WNT9A: variants seen among roughly 807,000 people sequenced by gnomAD.
WNT9A encodes protein Wnt-9a.
WNT9A carries 8 observed loss-of-function variants against 31.4 expected under a neutral mutation model. The ratio of observed to expected loss-of-function variants is 0.26; its 90% confidence interval spans 0.15 to 0.46. The LOEUF (loss-of-function observed/expected upper bound fraction) is 0.46. Among genes scored for constraint, WNT9A ranks in the 20% least tolerant of loss-of-function variants. The pLI, the probability that WNT9A is intolerant of heterozygous loss-of-function variation, is 0.99. For missense variants in WNT9A, 457 were observed against 522.9 expected (o/e 0.87, Z 1.23); for synonymous variants, 236 against 220.1 (o/e 1.07, Z -0.64).
At chr1:227,922,607 AAG>A (rs1666341904) in intron 3 of WNT9A, among the ~76,000 whole-genome samples, 1 of 152,124 alleles carries the variant, frequency 6.6e-6, no homozygotes, top group Admixed American at 6.5e-5. Flanking sequence ...GCTCCTGGGG[AAG>A]AGAGAGCTCC....
intron 1 of WNT9A, among the ~76,000 whole-genome samples, chr1:227,944,745 G>A (rs1037026433): frequency 6.6e-6 from 1 of 152,266 alleles, no homozygotes; most frequent in African/African-American, 2.4e-5. Flanking sequence ...GCCCAGAGAA[G>A]GGGGCAAATT....
rs148469968 is a variant in WNT9A at position 227,921,709 on chromosome 1, G to A, written c.907C>T (p.Arg303Cys). The part of the protein sequence containing the change: ...DDSPSFCLAG[R>C]FSPGTAGRRC... ...CGGCCAGCGGTGCCCGGGGAGAAGC[G>A]GCCAGCCAGGCAGAAGCTAGGCGAG... The change falls in exon 4 of 4, where the codon CGC becomes TGC. Residue 303 changes from arginine (R) to cysteine (C), a missense_variant. Physicochemically the swap from Arg to Cys is radical, Grantham distance 180 (BLOSUM62 -3). Coordinates refer to ENST00000272164, the MANE Select transcript of WNT9A (RefSeq NM_003395.4). 55 of 1,612,584 alleles carry A rather than the reference G, an allele frequency of 3.4e-5. 1 individual carries two copies. Among genetic ancestry groups the A allele is most frequent in the South Asian group, 1.1e-4 (10 of 91,084 alleles).
In WNT9A at chr1:227,926,152, C is replaced by A. The variant is rs181694630; in HGVS notation, c.96-633G>T. Among the ~76,000 whole-genome samples, 10 of 152,186 alleles carry A rather than the reference C, an allele frequency of 6.6e-5. No individual in the cohort carries two copies. The East Asian group carries it at 1.9e-3, about 29-fold the overall frequency. On this transcript the variant is annotated intron_variant, in intron 1 of 3. Coordinates refer to ENST00000272164, the MANE Select transcript of WNT9A (RefSeq NM_003395.4). This position sits in a 1 kb window ranked among gnomAD's most constrained non-coding sequence, Gnocchi z 5.0. The stretch of plus-strand genomic sequence containing the variant: ...GCTCTTGGTTCTCTGACACTCTACC[C>A]CTCTCACCTCACCAAATCTGGACAT...
In WNT9A at chr1:227,918,876, G is replaced by T. The variant is rs1251869291; in HGVS notation, c.*2642C>A. ...GGGGGTCCAGGTCCCTCAAGGCAGG[G>T]CCTGGTGCAGAGAAGGTGGCTGGGA... On this transcript the variant is annotated 3_prime_UTR_variant, in exon 4 of 4. Coordinates refer to ENST00000272164, the MANE Select transcript of WNT9A (RefSeq NM_003395.4). 6.6e-6 allele frequency: 1 copy of T among 151,634 alleles called. No individual in the cohort carries two copies. The highest frequency in any genetic ancestry group is 1.5e-5 in the Non-Finnish European group (1 of 67,920). The allele number at this position is 151,634 out of a possible 1,614,324, so 9.4% of individuals were successfully genotyped here.
chr1:227,946,735 C>G (rs934250005), intron 1 of WNT9A, among the ~76,000 whole-genome samples: 4 of 152,256 alleles, frequency 2.6e-5, no homozygotes, highest in Non-Finnish European at 5.9e-5. Context: ...CCCAGGCGGC[C>G]TCTCCCTGCC....
chr1:227,932,116 T>C (rs1167539288), intron 1 of WNT9A, among the ~76,000 whole-genome samples: 5 of 152,242 alleles, frequency 3.3e-5, no homozygotes, highest in Non-Finnish European at 1.5e-5. Flanking sequence ...TGCTGCTTGC[T>C]AGCATTTTAC....
chr1:227,927,066 G>A (rs1233349183), intron 1 of WNT9A, among the ~76,000 whole-genome samples: 1 of 152,146 alleles, frequency 6.6e-6, no homozygotes, highest in Non-Finnish European at 1.5e-5. Flanking sequence ...CGGCCAAGCT[G>A]ACGTCCTGCC....
At chr1:227,937,441 C>G (rs988467425) in intron 1 of WNT9A, among the ~76,000 whole-genome samples, 1 of 152,242 alleles carries the variant, frequency 6.6e-6, no homozygotes, top group African/African-American at 2.4e-5. Flanking sequence ...ATGCGTCTAA[C>G]GCAACCTCAG....
At chr1:227,931,929 GC>G (rs1386636849) in intron 1 of WNT9A, among the ~76,000 whole-genome samples, 32 of 148,750 alleles carry the variant, frequency 2.2e-4, no homozygotes, top group African/African-American at 7.7e-4. Flanking sequence ...CACCATGTTG[GC>G]CAGGCTGGTC....
At chr1:227,929,191 A>G (rs1666469540) in intron 1 of WNT9A, among the ~76,000 whole-genome samples, 1 of 151,950 alleles carries the variant, frequency 6.6e-6, no homozygotes, top group Non-Finnish European at 1.5e-5. Flanking sequence ...GCTGCTCCAG[A>G]GACCGTGACG....
Position 227,925,486 on chromosome 1 carries a change from CG to C in WNT9A, c.128del (p.Pro43ArgfsTer2). 1 of 1,569,880 alleles carries C rather than the reference CG, an allele frequency of 6.4e-7. No homozygotes were observed. On this transcript the variant is annotated frameshift_variant, in exon 2 of 4. Transcript: ENST00000272164. LOFTEE classifies it high-confidence loss of function. This position sits in a 1 kb window ranked among gnomAD's most constrained non-coding sequence, Gnocchi z 6.0. ...LTGSEPLTIL[P>X]LTLEPEAAAQ... ...CAGCCGCCTCTGGCTCCAGGGTCAG[CG>C]GGAGGATGGTCAGGGGCTCGCTGCC...
At chr1:227,929,328 T>C (rs1402741281) in intron 1 of WNT9A, among the ~76,000 whole-genome samples, 1 of 152,232 alleles carries the variant, frequency 6.6e-6, no homozygotes, top group Non-Finnish European at 1.5e-5. Flanking sequence ...AAATGTCTGA[T>C]GGGAATATCG....
At chr1:227,943,731 T>C (rs1374322860) in intron 1 of WNT9A, among the ~76,000 whole-genome samples, 1 of 152,158 alleles carries the variant, frequency 6.6e-6, no homozygotes, top group East Asian at 1.9e-4. Context: ...ACCCCAGCAC[T>C]TTGCGAGGCT....
chr1:227,945,579 C>T (rs941752362), intron 1 of WNT9A, among the ~76,000 whole-genome samples: 15 of 152,314 alleles, frequency 9.8e-5, no homozygotes, highest in African/African-American at 3.6e-4. Context: ...GCCTGGGAGA[C>T]TCCGTGCCAG....
chr1:227,920,399 CG>C lies in WNT9A; in HGVS notation c.*1118del, dbSNP rs1666291269. The C allele has an allele frequency of 6.6e-6, 1 of 152,218 alleles. No individual in the cohort carries two copies. Among genetic ancestry groups the C allele is most frequent in the Non-Finnish European group, 1.5e-5 (1 of 67,996 alleles). The allele number at this position is 152,218 out of a possible 1,614,324, so 9.4% of individuals were successfully genotyped here. A position where few individuals can be genotyped will look rare whatever the true frequency, so the allele number is the denominator to read the frequency against. Reference sequence around the variant, plus strand: ...TCCCAGACTGGGGCTTGGCCGAGAGCGGGGAGCTGCAGCCGGGGAGGTGGCA... The same window carrying C: ...TCCCAGACTGGGGCTTGGCCGAGAGCGGGAGCTGCAGCCGGGGAGGTGGCA... On this transcript the variant is annotated 3_prime_UTR_variant, in exon 4 of 4. Transcript: ENST00000272164.
intron 1 of WNT9A, among the ~76,000 whole-genome samples, 169 bp downstream of exon 1, chr1:227,947,624 G>C (rs1572139207): frequency 6.6e-6 from 1 of 151,932 alleles, no homozygotes; most frequent in African/African-American, 2.4e-5. Context: ...GCCGTGCCGC[G>C]CAGCGGACGG....
chr1:227,922,094 A>T (rs1666329906), intron 3 of WNT9A, 94 bp from the exon 4 acceptor site: 1 of 1,491,246 alleles, frequency 6.7e-7, no homozygotes, highest in Admixed American at 2.3e-5. Flanking sequence ...GGGACCCCAC[A>T]CCCCCACCCA....
chr1:227,945,713 T>C (rs1332153271), intron 1 of WNT9A, among the ~76,000 whole-genome samples: 1 of 151,184 alleles, frequency 6.6e-6, no homozygotes, highest in Non-Finnish European at 1.5e-5. Flanking sequence ...CCGCCTGGCC[T>C]TTAATGCCCT....
rs1572121792 is a variant in WNT9A, at chr1:227,921,387, C to T, written c.*131G>A. On this transcript the variant is annotated 3_prime_UTR_variant, in exon 4 of 4. Transcript: ENST00000272164. ...CCATGCAGGTGTAGACCCATTCACA[C>T]TGTGTGCAATGCCTGTACCCCACGC... 4.4e-5 allele frequency: 63 copies of T among 1,422,518 alleles called. 1 individual carries two copies. In the South Asian group the frequency reaches 8.2e-4, roughly 18 times the overall value. The allele number at this position is 1,422,518 out of a possible 1,614,324, so 88.1% of individuals were successfully genotyped here. A position where few individuals can be genotyped will look rare whatever the true frequency, so the allele number is the denominator to read the frequency against.
Sources: gnomAD v4.1 joint callset for allele counts (sites outside exome capture counted in the v4.1 genomes callset) on GRCh38, gnomAD v4.1.1 for gene constraint, Gnocchi (gnomAD v3.1) non-coding constraint, MANE v1.5 for transcripts, NCBI Gene and HGNC (gene_info 2026-07-23, HGNC 2026-07-21) for gene names.